SLX4IP: variants seen among roughly 807,000 people sequenced by gnomAD.
The protein encoded by SLX4IP is SLX4 interacting protein.
A neutral mutation model predicts 32.9 loss-of-function variants in SLX4IP; 34 were observed. That is an observed-to-expected ratio of 1.03 (90% CI 0.79 to 1.38). The LOEUF (loss-of-function observed/expected upper bound fraction) is 1.38. Ranked by LOEUF, SLX4IP falls within the 40% of genes most tolerant of loss-of-function variation. The pLI is 0.00. For synonymous variants in SLX4IP, 172 were observed against 171.7 expected, an observed-to-expected ratio of 1.00 and a Z score of -0.01; for missense variants, 444 against 479.0, an observed-to-expected ratio of 0.93 and a Z score of 0.68.
intron 6 of SLX4IP, among the ~76,000 whole-genome samples, chr20:10,614,996 C>T (rs2067010021): frequency 6.6e-6 from 1 of 152,090 alleles, no homozygotes; most frequent in African/African-American, 2.4e-5. Flanking sequence ...TGATCACGTA[C>T]TATAATGATT....
chr20:10,532,981 T>C (rs1161001130), intron 2 of SLX4IP, among the ~76,000 whole-genome samples: 1 of 152,162 alleles, frequency 6.6e-6, no homozygotes. Flanking sequence ...TTCACCATGT[T>C]GGCTAAGCTG....
At chr20:10,558,354 A>C (rs2066291193) in intron 3 of SLX4IP, among the ~76,000 whole-genome samples, 1 of 150,662 alleles carries the variant, frequency 6.6e-6, no homozygotes, top group Admixed American at 6.6e-5. Context: ...AAAAAAAAAA[A>C]AAAAAAAACA....
In SLX4IP at chr20:10,500,639, C is replaced by A. The variant is rs556283363; in HGVS notation, c.27+42408C>A. On this transcript the variant is annotated intron_variant, in intron 2 of 7. Transcript: ENST00000334534. ...TGGTGGTGCACACCTGTAGTCCCAG[C>A]TACTAGGAAAGCCGAGGTGGGAGGA... 2.0e-4 allele frequency among the ~76,000 whole-genome samples: 31 copies of A among 152,238 alleles called. No individual in the cohort carries two copies. The South Asian group carries it at 6.4e-3, about 32-fold the overall frequency.
rs144091902 is a variant in SLX4IP at position 10,560,765 on chromosome 20, A to G, written c.183A>G (p.Lys61=). 5 of 1,608,710 alleles carry G rather than the reference A, an allele frequency of 3.1e-6. No homozygotes were observed. The African/African-American group carries it at 6.7e-5, about 22-fold the overall frequency. The change falls in exon 4 of 8, where the codon AAA becomes AAG. Residue 61 remains lysine (K), a synonymous_variant. Transcript: ENST00000334534. The part of the protein sequence containing the change: ...SRVQEYLEVR[K]QHRPSNAEFT... Reference sequence around the variant, plus strand: ...TTCAGGAGTACTTGGAAGTTCGCAAACAGCACAGGCCATCAAATGCAGAAT... The same window carrying G: ...TTCAGGAGTACTTGGAAGTTCGCAAGCAGCACAGGCCATCAAATGCAGAAT...
At chr20:10,515,139 C>G (rs1182376660) in intron 2 of SLX4IP, among the ~76,000 whole-genome samples, 1 of 123,992 alleles carries the variant, frequency 8.1e-6, no homozygotes, top group Non-Finnish European at 1.6e-5. Flanking sequence ...GGCTTGAATG[C>G]AGTGGTGCAA....
intron 1 of SLX4IP, among the ~76,000 whole-genome samples, chr20:10,455,720 G>A (rs900587260): frequency 1.3e-5 from 2 of 151,798 alleles, no homozygotes; most frequent in African/African-American, 2.4e-5. Context: ...AATGATTCTC[G>A]TGCTTCAGCC....
At chr20:10,485,725 A>G (rs527724419) in intron 2 of SLX4IP, among the ~76,000 whole-genome samples, 1 of 152,272 alleles carries the variant, frequency 6.6e-6, no homozygotes, top group East Asian at 1.9e-4. Flanking sequence ...GTCCATTAAC[A>G]CATATTTTTA....
At chr20:10,569,825 C>T (rs1308254583) in intron 4 of SLX4IP, among the ~76,000 whole-genome samples, 3 of 152,182 alleles carry the variant, frequency 2.0e-5, no homozygotes, top group Non-Finnish European at 2.9e-5. Flanking sequence ...GTCTTTGTCT[C>T]TTCTTATGAG....
At chr20:10,481,002 GAT>G (rs1177855986) in intron 2 of SLX4IP, among the ~76,000 whole-genome samples, 1 of 151,770 alleles carries the variant, frequency 6.6e-6, no homozygotes, top group Non-Finnish European at 1.5e-5. Context: ...TTTTGTTTTG[GAT>G]ATCTAGAAGA....
intron 2 of SLX4IP, among the ~76,000 whole-genome samples, chr20:10,547,069 C>T (rs772222997): frequency 2.6e-5 from 4 of 152,160 alleles, no homozygotes; most frequent in East Asian, 1.9e-4. Flanking sequence ...CTTTATTCCA[C>T]GCAGTACTTT....
At chr20:10,462,033 T>C (rs1237577693) in intron 2 of SLX4IP, among the ~76,000 whole-genome samples, 1 of 152,100 alleles carries the variant, frequency 6.6e-6, no homozygotes, top group Non-Finnish European at 1.5e-5. Context: ...GGTTAGGATG[T>C]TACGAACTAG....
In SLX4IP at chr20:10,623,396, A is replaced by G. The variant is rs1292195459; in HGVS notation, c.*17A>G. The G allele has an allele frequency of 6.3e-7, 1 of 1,592,316 alleles. No individual in the cohort carries two copies. Among genetic ancestry groups the G allele is most frequent in the East Asian group, 2.2e-5 (1 of 44,700 alleles). ...GGCCATTAACACCGAAGAGGTTTGT[A>G]CCGTTGGAGTTGAGGACATAGTGGC... is the stretch of plus-strand genomic sequence containing the variant. On this transcript the variant is annotated 3_prime_UTR_variant, in exon 8 of 8. Coordinates refer to ENST00000334534, the MANE Select transcript of SLX4IP (RefSeq NM_001009608.3).
chr20:10,555,552 G>A (rs1324434161), intron 2 of SLX4IP, among the ~76,000 whole-genome samples: 2 of 152,084 alleles, frequency 1.3e-5, no homozygotes, highest in African/African-American at 4.8e-5. Context: ...GGCCACATAT[G>A]GCTATCTTAT....
At chr20:10,598,311 C>T (rs187721648) in intron 4 of SLX4IP, among the ~76,000 whole-genome samples, 2 of 152,304 alleles carry the variant, frequency 1.3e-5, no homozygotes, top group East Asian at 1.9e-4. Context: ...CTCTGTCACT[C>T]AGGCTGGCGT....
At chr20:10,514,096 A>C (rs538445952) in intron 2 of SLX4IP, among the ~76,000 whole-genome samples, 37 of 152,176 alleles carry the variant, frequency 2.4e-4, no homozygotes, top group Non-Finnish European at 5.3e-4. Flanking sequence ...GAGGACAGTC[A>C]TTTGGAGCTT....
intron 2 of SLX4IP, among the ~76,000 whole-genome samples, chr20:10,528,815 T>C (rs1466504745): frequency 6.6e-6 from 1 of 152,206 alleles, no homozygotes; most frequent in Non-Finnish European, 1.5e-5. Flanking sequence ...TCAACATACC[T>C]GTGTTGTCAC....
At chr20:10,489,601 T>C (rs1450551275) in intron 2 of SLX4IP, among the ~76,000 whole-genome samples, 1 of 152,212 alleles carries the variant, frequency 6.6e-6, no homozygotes, top group African/African-American at 2.4e-5. Context: ...AACCCTTTTA[T>C]ACCTTCTTGC....
intron 4 of SLX4IP, among the ~76,000 whole-genome samples, chr20:10,575,939 G>A (rs1421375802): frequency 6.6e-6 from 1 of 152,140 alleles, no homozygotes; most frequent in Non-Finnish European, 1.5e-5. Context: ...TTTGAAGGAT[G>A]AGTGAAGAGG....
chr20:10,494,343 GATT>G (rs2065649632), intron 2 of SLX4IP, among the ~76,000 whole-genome samples: 4 of 149,998 alleles, frequency 2.7e-5, no homozygotes, highest in Admixed American at 1.3e-4. Context: ...GATTATTTAA[GATT>G]ATTATTATTT....
Sources: gnomAD v4.1 joint callset for allele counts (sites outside exome capture counted in the v4.1 genomes callset) on GRCh38, gnomAD v4.1.1 for gene constraint, MANE v1.5 for transcripts, NCBI Gene and HGNC (gene_info 2026-07-23, HGNC 2026-07-21) for gene names.